Variants in ZNF469 observed in about 807,000 individuals in gnomAD.
ZNF469 encodes zinc finger protein 469.
ZNF469 carries 1 observed loss-of-function variant against 1.0 expected under a neutral mutation model. That is an observed-to-expected ratio of 1.00 (90% confidence interval 0.35 to 4.73). The LOEUF (loss-of-function observed/expected upper bound fraction) is 4.73. Ranked by LOEUF, ZNF469 falls within the 30% of genes most tolerant of loss-of-function variation. The pLI, the probability that ZNF469 is intolerant of heterozygous loss-of-function variation, is 0.16. For missense variants in ZNF469, 6,100 were observed against 5,356.3 expected, an observed-to-expected ratio of 1.14 and a Z score of -4.33; for synonymous variants, 2,703 against 2,363.4, an observed-to-expected ratio of 1.14 and a Z score of -4.17.
chr16:88,199,858 G>T, the ZNF469 span, among the ~76,000 whole-genome samples: 2 of 152,220 alleles, frequency 1.3e-5, no homozygotes, highest in Non-Finnish European at 2.9e-5. Flanking sequence ...TTGTCCCACA[G>T]ATCAAGCCTC....
intron 1 of ZNF469, among the ~76,000 whole-genome samples, chr16:88,396,742 CATAAAGGGAGG>C (rs1904682606): frequency 2.8e-5 from 4 of 140,586 alleles, no homozygotes; most frequent in African/African-American, 8.1e-5. Flanking sequence ...AGGAGACCCT[CATAAAGGGAGG>C]CCAGGAGGAG....
the ZNF469 span, among the ~76,000 whole-genome samples, chr16:88,302,262 T>A: frequency 6.6e-6 from 1 of 152,246 alleles, no homozygotes; most frequent in Non-Finnish European, 1.5e-5. Context: ...AATCAGCCTC[T>A]TATGAAACAA....
chr16:88,298,848 G>A, the ZNF469 span, among the ~76,000 whole-genome samples: 11 of 152,198 alleles, frequency 7.2e-5, no homozygotes, highest in African/African-American at 1.4e-4. Flanking sequence ...CATCCCTGTA[G>A]GGTCCACCCA....
Position 88,427,815 on chromosome 16 carries a change from C to G in ZNF469, c.345C>G (p.Ser115Arg). 6.5e-7 allele frequency: 1 copy of G among 1,548,076 alleles called. No individual in the cohort carries two copies. Among genetic ancestry groups the G allele is most frequent in the Non-Finnish European group, 8.7e-7 (1 of 1,146,780 alleles). ...GGCTGGCGGGCAGGGCAGAGGGCAG[C>G]CCCCCACAGCGCTACATTCTGGGCA... Reference protein sequence around the residue: ...PSRLAGRAEGSPPQRYILGIA... With the variant: ...PSRLAGRAEGRPPQRYILGIA... The change falls in exon 3 of 3, where the codon AGC becomes AGG. Residue 115 changes from serine (S) to arginine (R), a missense_variant. Transcript: ENST00000565624.
chr16:88,167,152 C>G, the ZNF469 span, among the ~76,000 whole-genome samples: 1 of 149,898 alleles, frequency 6.7e-6, no homozygotes, highest in South Asian at 2.1e-4. Flanking sequence ...ACCTCCGCCT[C>G]CCGGGTTCAA....
At chr16:88,249,091 C>T in the ZNF469 span, among the ~76,000 whole-genome samples, 1 of 152,126 alleles carries the variant, frequency 6.6e-6, no homozygotes, top group East Asian at 1.9e-4. Flanking sequence ...ATTGCTGATG[C>T]CCCAAATGAA....
chr16:88,412,339 A>C (rs1905194386), intron 1 of ZNF469, among the ~76,000 whole-genome samples: 1 of 151,734 alleles, frequency 6.6e-6, no homozygotes, highest in Admixed American at 6.6e-5. Flanking sequence ...GACTGCAGGC[A>C]CCTCGCTTAA....
At chr16:88,355,923 G>A in the ZNF469 span, among the ~76,000 whole-genome samples, 3 of 151,670 alleles carry the variant, frequency 2.0e-5, no homozygotes, top group African/African-American at 4.8e-5. Flanking sequence ...CATGCCGTGG[G>A]GGTCCTGCAC....
At chr16:88,334,046 GTGTGTC>G in the ZNF469 span, among the ~76,000 whole-genome samples, 1 of 151,634 alleles carries the variant, frequency 6.6e-6, no homozygotes, top group Non-Finnish European at 1.5e-5. Context: ...GTGTGTCTCT[GTGTGTC>G]TGTGTCTGTG....
At chr16:88,160,504 G>A in the ZNF469 span, among the ~76,000 whole-genome samples, 85 of 152,268 alleles carry the variant, frequency 5.6e-4, no homozygotes, top group African/African-American at 1.9e-3. Flanking sequence ...GCTCCATCGC[G>A]GTCTTTTCTG....
the ZNF469 span, among the ~76,000 whole-genome samples, chr16:88,113,748 C>A: frequency 3.2e-5 from 4 of 123,918 alleles, no homozygotes; most frequent in Non-Finnish European, 5.6e-5. Flanking sequence ...GTGAGGCGTG[C>A]GTCCCTTCTT....
At chr16:88,408,915 A>G (rs1043577994) in intron 1 of ZNF469, among the ~76,000 whole-genome samples, 1 of 151,342 alleles carries the variant, frequency 6.6e-6, no homozygotes, top group Non-Finnish European at 1.5e-5. Flanking sequence ...AAACACTCAT[A>G]GGGAAGCGGG....
chr16:88,406,454 G>A (rs749616891), intron 1 of ZNF469, among the ~76,000 whole-genome samples: 24 of 152,350 alleles, frequency 1.6e-4, no homozygotes, highest in African/African-American at 2.2e-4. Flanking sequence ...CCTGCCGTGC[G>A]GGCTGCCCAT....
At chr16:88,409,176 G>C (rs1158870664) in intron 1 of ZNF469, among the ~76,000 whole-genome samples, 2 of 152,226 alleles carry the variant, frequency 1.3e-5, no homozygotes, top group Non-Finnish European at 2.9e-5. Context: ...GATGTGATGT[G>C]TCTGGGCTCA....
the ZNF469 span, among the ~76,000 whole-genome samples, chr16:88,291,863 G>A: frequency 6.6e-6 from 1 of 152,130 alleles, no homozygotes; most frequent in Non-Finnish European, 1.5e-5. Flanking sequence ...CGTCCTCCCT[G>A]GCGAGCTGAT....
the ZNF469 span, among the ~76,000 whole-genome samples, chr16:88,345,161 C>A: frequency 0.11 from 17,017 of 152,218 alleles, 1,283 homozygotes; most frequent in African/African-American, 0.21. Context: ...ATTGTCCAGC[C>A]AGCCCCCTCC....
At chr16:88,395,284 TGG>T (rs752989116) in intron 1 of ZNF469, among the ~76,000 whole-genome samples, 16 of 78,948 alleles carry the variant, frequency 2.0e-4, no homozygotes, top group Non-Finnish European at 3.6e-4. Flanking sequence ...GATGGATGGA[TGG>T]GTGGATGGAT....
chr16:88,146,221 GACTCAGACAGT>G, the ZNF469 span, among the ~76,000 whole-genome samples: 11 of 152,368 alleles, frequency 7.2e-5, no homozygotes, highest in South Asian at 2.3e-3. Flanking sequence ...CTAGACTCAG[GACTCAGACAGT>G]GCCTGGCACG....
At chr16:88,116,689 C>T in the ZNF469 span, among the ~76,000 whole-genome samples, 1 of 152,196 alleles carries the variant, frequency 6.6e-6, no homozygotes, top group Admixed American at 6.5e-5. Flanking sequence ...GGACCATCTC[C>T]AGAGAATTCT....
Sources: gnomAD v4.1 joint callset for allele counts (sites outside exome capture counted in the v4.1 genomes callset) on GRCh38, gnomAD v4.1.1 for gene constraint, MANE v1.5 for transcripts, NCBI Gene and HGNC (gene_info 2026-07-23, HGNC 2026-07-21) for gene names.